Variants in MAGI2 observed in about 807,000 individuals in gnomAD.
The protein encoded by MAGI2 is membrane-associated guanylate kinase, WW and PDZ domain-containing protein 2.
A neutral mutation model predicts 133.3 loss-of-function variants in MAGI2; 35 were observed. That is an observed-to-expected ratio of 0.26 (90% CI 0.20 to 0.35). The LOEUF is 0.35. Among genes scored for constraint, MAGI2 ranks in the 10% least tolerant of loss-of-function variants. The pLI, the probability that MAGI2 is intolerant of heterozygous loss-of-function variation, is 1.00. For synonymous variants in MAGI2, 729 were observed against 710.6 expected (o/e 1.03, Z -0.41); for missense variants, 1,636 against 1,863.4 (o/e 0.88, Z 2.25).
rs1438090444 is a variant in MAGI2 at position 78,424,579 on chromosome 7, C to T, written c.1046-55366G>A. On this transcript the variant is annotated intron_variant, in intron 6 of 21. Coordinates refer to ENST00000354212, the MANE Select transcript of MAGI2 (RefSeq NM_012301.4). Reference sequence around the variant, plus strand: ...ACCGTGTGCCTGGAAAAGTTGCAGACACTCAACACCAGCCCATTAAAGCAG... The same window carrying T: ...ACCGTGTGCCTGGAAAAGTTGCAGATACTCAACACCAGCCCATTAAAGCAG... Among the ~76,000 whole-genome samples, 3 of 152,278 alleles carry T rather than the reference C, an allele frequency of 2.0e-5. No homozygotes were observed. The Middle Eastern group carries it at 0.01, about 518-fold the overall frequency.
At chr7:79,420,785 A>C (rs1311914590) in intron 1 of MAGI2, among the ~76,000 whole-genome samples, 1 of 151,958 alleles carries the variant, frequency 6.6e-6, no homozygotes, top group African/African-American at 2.4e-5. Context: ...AAACCATAAA[A>C]ATCCAGAGGA....
intron 10 of MAGI2, among the ~76,000 whole-genome samples, chr7:78,204,070 G>T (rs1829510897): frequency 6.6e-6 from 1 of 152,112 alleles, no homozygotes; most frequent in Non-Finnish European, 1.5e-5. Context: ...AAATTATTCT[G>T]GTAGGACATA....
At chr7:79,036,274 C>T (rs1811118074) in intron 1 of MAGI2, among the ~76,000 whole-genome samples, 1 of 152,120 alleles carries the variant, frequency 6.6e-6, no homozygotes, top group Non-Finnish European at 1.5e-5. Flanking sequence ...TTTGAGGAAG[C>T]CAATGTAAAA....
intron 1 of MAGI2, among the ~76,000 whole-genome samples, chr7:79,436,574 A>G (rs1455740467): frequency 1.3e-5 from 2 of 152,088 alleles, no homozygotes; most frequent in Admixed American, 1.3e-4. Flanking sequence ...AAAATAAACA[A>G]GTGGTCAAAA....
chr7:79,298,431 A>G (rs1837117228), intron 1 of MAGI2, among the ~76,000 whole-genome samples: 1 of 152,188 alleles, frequency 6.6e-6, no homozygotes, highest in African/African-American at 2.4e-5. Context: ...GGAACAAGCT[A>G]GTGAAAAACA....
intron 1 of MAGI2, among the ~76,000 whole-genome samples, chr7:79,022,085 C>T (rs1445211884): frequency 6.6e-6 from 1 of 152,114 alleles, no homozygotes; most frequent in Non-Finnish European, 1.5e-5. Flanking sequence ...TGAGGCCTCT[C>T]CAGCCATGTG....
intron 1 of MAGI2, among the ~76,000 whole-genome samples, chr7:79,249,387 A>G (rs1327304452): frequency 6.6e-6 from 1 of 152,064 alleles, no homozygotes; most frequent in East Asian, 1.9e-4. Context: ...ACAAAATTTT[A>G]GCGAGACTAG....
chr7:78,783,664 A>G (rs2151347766), intron 2 of MAGI2, among the ~76,000 whole-genome samples: 1 of 152,308 alleles, frequency 6.6e-6, no homozygotes, highest in South Asian at 2.1e-4. Context: ...TGAATCCACA[A>G]GGTGTCAATT....
At chr7:78,039,574 C>T (rs947538341) in intron 21 of MAGI2, 1 of 152,162 alleles carries the variant, frequency 6.6e-6, no homozygotes, top group Admixed American at 6.5e-5. Context: ...GTCACTGATC[C>T]TCATCAGTGT....
intron 6 of MAGI2, among the ~76,000 whole-genome samples, chr7:78,432,751 C>T (rs1799919433): frequency 1.3e-5 from 2 of 151,594 alleles, no homozygotes; most frequent in African/African-American, 2.4e-5. Flanking sequence ...CTGTATTGTG[C>T]CATATAGTTT....
intron 1 of MAGI2, among the ~76,000 whole-genome samples, chr7:79,371,849 C>T (rs568956906): frequency 6.6e-6 from 1 of 152,036 alleles, no homozygotes; most frequent in Non-Finnish European, 1.5e-5. Flanking sequence ...AGCTCATATT[C>T]CCAGTGATTT....
intron 1 of MAGI2, among the ~76,000 whole-genome samples, chr7:79,219,949 A>G (rs775923917): frequency 2.0e-5 from 3 of 151,962 alleles, no homozygotes; most frequent in Non-Finnish European, 4.4e-5. Context: ...AATAATACAC[A>G]CGATTTTTTT....
rs576675616 is a variant in MAGI2, at chr7:78,762,396, T to A, written c.419-135157A>T. The stretch of plus-strand genomic sequence containing the variant: ...AGGCGGAGGTTGCAGTGAGCTGACA[T>A]TGCACCACTGCACTCCAGCCTGGGC... On this transcript the variant is annotated intron_variant, in intron 2 of 21. Coordinates refer to ENST00000354212, the MANE Select transcript of MAGI2 (RefSeq NM_012301.4). Among the ~76,000 whole-genome samples the A allele has an allele frequency of 8.6e-5, 13 of 151,958 alleles. No individual in the cohort carries two copies. The East Asian group carries it at 2.5e-3, about 29-fold the overall frequency.
intron 1 of MAGI2, among the ~76,000 whole-genome samples, chr7:79,295,179 T>C (rs1360641995): frequency 1.3e-5 from 2 of 152,076 alleles, no homozygotes; most frequent in Non-Finnish European, 2.9e-5. Context: ...TTTAAAACAT[T>C]ATAAAACAAA....
At chr7:78,062,402 ATGTGCCTGGCATTGCGCCAGTCCTC>A in intron 21 of MAGI2, among the ~76,000 whole-genome samples, 1 of 152,206 alleles carries the variant, frequency 6.6e-6, no homozygotes, top group East Asian at 1.9e-4. Context: ...CTTGAGTGCT[ATGTGCCTGGCATTGCGCCAGTCCTC>A]TCCACTCCTT....
chr7:78,109,308 A>C (rs1481711340), intron 20 of MAGI2, among the ~76,000 whole-genome samples: 11 of 110,896 alleles, frequency 9.9e-5, no homozygotes, highest in Admixed American at 1.8e-4. Flanking sequence ...CGTCTCAAAA[A>C]AAAAAAAAAA....
intron 2 of MAGI2, among the ~76,000 whole-genome samples, chr7:78,755,529 T>C (rs1398756197): frequency 6.6e-6 from 1 of 152,186 alleles, no homozygotes; most frequent in Non-Finnish European, 1.5e-5. Flanking sequence ...ACAAAAATCA[T>C]GATTTTGGGG....
At chr7:79,146,334 A>G (rs1822615583) in intron 1 of MAGI2, among the ~76,000 whole-genome samples, 1 of 152,122 alleles carries the variant, frequency 6.6e-6, no homozygotes, top group Non-Finnish European at 1.5e-5. Flanking sequence ...TGTTCTCACG[A>G]GTTCATGTGT....
chr7:78,196,970 C>A (rs946126395), intron 11 of MAGI2, among the ~76,000 whole-genome samples: 1 of 152,156 alleles, frequency 6.6e-6, no homozygotes, highest in Non-Finnish European at 1.5e-5. Context: ...TCAGAACCAC[C>A]CTGTAACTCT....
Sources: gnomAD v4.1 joint callset for allele counts (sites outside exome capture counted in the v4.1 genomes callset) on GRCh38, gnomAD v4.1.1 for gene constraint, MANE v1.5 for transcripts, NCBI Gene and HGNC (gene_info 2026-07-23, HGNC 2026-07-21) for gene names.